TRABD2B: variants seen among roughly 807,000 people sequenced by gnomAD.
The protein encoded by TRABD2B is TraB domain containing 2B.
A neutral mutation model predicts 40.1 loss-of-function variants in TRABD2B; 14 were observed. The observed-to-expected ratio is 0.35, with a 90% CI of 0.23 to 0.55. TRABD2B has a LOEUF of 0.55. TRABD2B is among the 20% of genes least tolerant of loss of function. TRABD2B has a pLI of 0.90. For synonymous variants in TRABD2B, 263 were observed against 277.0 expected, an observed-to-expected ratio of 0.95 and a Z score of 0.50; for missense variants, 541 against 648.6, an observed-to-expected ratio of 0.83 and a Z score of 1.80.
intron 6 of TRABD2B, among the ~76,000 whole-genome samples, chr1:47,773,397 G>T (rs1046625515): frequency 6.6e-6 from 1 of 152,260 alleles, no homozygotes; most frequent in African/African-American, 2.4e-5. Context: ...CCTTAGGCAG[G>T]CAGGGTGATA....
intron 2 of TRABD2B, among the ~76,000 whole-genome samples, chr1:47,875,441 C>A (rs1324356531): frequency 6.6e-6 from 1 of 151,762 alleles, no homozygotes; most frequent in Non-Finnish European, 1.5e-5. Context: ...AATTCCAACA[C>A]TTTGGGAGGC....
chr1:47,852,897 C>T lies in TRABD2B; in HGVS notation c.667-51278G>A, dbSNP rs182619265. Among the ~76,000 whole-genome samples, 710 of 152,136 alleles carry T rather than the reference C, an allele frequency of 4.7e-3. 2 individuals are homozygous for T. The highest frequency in any genetic ancestry group is 6.8e-3 in the Non-Finnish European group (461 of 68,012). On this transcript the variant is annotated intron_variant, in intron 2 of 6. Transcript: ENST00000606738. ...ATTTTTGGTCATCTTTAAAACAGGGCGATGGTGACTAATACCTCTTTGAAG... is the reference window on the plus strand; with the variant it reads ...ATTTTTGGTCATCTTTAAAACAGGGTGATGGTGACTAATACCTCTTTGAAG...
At chr1:47,915,737 C>A (rs931704332) in intron 2 of TRABD2B, among the ~76,000 whole-genome samples, 4 of 152,192 alleles carry the variant, frequency 2.6e-5, no homozygotes, top group African/African-American at 9.7e-5. Context: ...TGGCTCCTCT[C>A]GCCTTTGGGG....
intron 2 of TRABD2B, among the ~76,000 whole-genome samples, chr1:47,986,365 C>T (rs1002620187): frequency 6.6e-6 from 1 of 152,116 alleles, no homozygotes; most frequent in Admixed American, 6.6e-5. Context: ...TGCCAACACT[C>T]CAACCACAGA....
At chr1:47,926,823 CCCTTCCTG>C (rs1239563298) in intron 2 of TRABD2B, among the ~76,000 whole-genome samples, 1 of 152,190 alleles carries the variant, frequency 6.6e-6, no homozygotes, top group East Asian at 1.9e-4. Context: ...CTCCAGCACA[CCCTTCCTG>C]CCTTGCTTTA....
At chr1:47,814,215 G>A (rs1019969319) in intron 2 of TRABD2B, among the ~76,000 whole-genome samples, 3 of 152,242 alleles carry the variant, frequency 2.0e-5, no homozygotes, top group Non-Finnish European at 2.9e-5. Context: ...AGGGGCTGGA[G>A]TGCAGCCTGT....
chr1:47,908,011 C>A (rs1247547946), intron 2 of TRABD2B, among the ~76,000 whole-genome samples: 1 of 152,074 alleles, frequency 6.6e-6, no homozygotes, highest in East Asian at 1.9e-4. Context: ...TAAAAAGTAA[C>A]CTGAGAAGTG....
At chr1:47,975,488 C>T (rs1023036978) in intron 2 of TRABD2B, among the ~76,000 whole-genome samples, 1 of 152,170 alleles carries the variant, frequency 6.6e-6, no homozygotes, top group Non-Finnish European at 1.5e-5. Context: ...CTTTGTGCAC[C>T]TGAAACATTG....
At position 47,962,638 on chromosome 1, in the gene TRABD2B, T is replaced by G. The variant is rs138246721; in HGVS notation, c.666+31396A>C. 3.0e-3 allele frequency among the ~76,000 whole-genome samples: 459 copies of G among 152,362 alleles called. 4 individuals carry two copies. The highest frequency in any genetic ancestry group is 3.7e-3 in the Non-Finnish European group (249 of 68,036). On this transcript the variant is annotated intron_variant, in intron 2 of 6. Coordinates refer to ENST00000606738, the MANE Select transcript of TRABD2B (RefSeq NM_001194986.2). ...TACATATGATTGATTCATTTAGGCT[T>G]CACAGCAACCCTTTGAAGTAGGTAC...
intron 2 of TRABD2B, among the ~76,000 whole-genome samples, chr1:47,938,322 C>A (rs1423592404): frequency 6.6e-6 from 1 of 152,226 alleles, no homozygotes; most frequent in East Asian, 1.9e-4. Flanking sequence ...AAGAGTCAAA[C>A]CACCACTGGT....
chr1:47,847,716 C>T (rs529218706), intron 2 of TRABD2B, among the ~76,000 whole-genome samples: 1 of 152,320 alleles, frequency 6.6e-6, no homozygotes, highest in South Asian at 2.1e-4. Flanking sequence ...AGGTTGTGCA[C>T]AGCCCAGTCA....
At chr1:47,901,778 G>A (rs1311144180) in intron 2 of TRABD2B, among the ~76,000 whole-genome samples, 1 of 152,182 alleles carries the variant, frequency 6.6e-6, no homozygotes, top group Non-Finnish European at 1.5e-5. Context: ...GAAGCCCAGG[G>A]TCTAATTAGG....
At position 47,928,691 on chromosome 1, in the gene TRABD2B, A is replaced by T. The variant is rs889425946; in HGVS notation, c.666+65343T>A. ...CCTCTAGCAAAAAGTCAATCTGCAA[A>T]CATCATCAGTTACTGTGGTACCTAA... On this transcript the variant is annotated intron_variant, in intron 2 of 6. Coordinates refer to ENST00000606738, the MANE Select transcript of TRABD2B (RefSeq NM_001194986.2). Among the ~76,000 whole-genome samples the T allele has an allele frequency of 2.0e-5, 3 of 152,374 alleles. No homozygotes were observed. The East Asian group carries it at 5.8e-4, about 29-fold the overall frequency.
intron 6 of TRABD2B, among the ~76,000 whole-genome samples, chr1:47,769,948 A>T (rs1187991595): frequency 6.6e-6 from 1 of 151,954 alleles, no homozygotes; most frequent in Non-Finnish European, 1.5e-5. Flanking sequence ...TCTTAGGTGG[A>T]AGCCCAAGGC....
intron 4 of TRABD2B, among the ~76,000 whole-genome samples, chr1:47,792,957 C>T (rs1049095989): frequency 2.6e-5 from 4 of 152,006 alleles, no homozygotes; most frequent in East Asian, 1.9e-4. Context: ...GGAGGGAGGG[C>T]GGAAGAGGCA....
chr1:47,980,424 T>C (rs938828265), intron 2 of TRABD2B, among the ~76,000 whole-genome samples: 6 of 152,130 alleles, frequency 3.9e-5, no homozygotes, highest in African/African-American at 1.2e-4. Context: ...GTAGCATCCA[T>C]AGGACCCTCC....
chr1:47,875,499 C>A (rs1371571917), intron 2 of TRABD2B, among the ~76,000 whole-genome samples: 1 of 151,638 alleles, frequency 6.6e-6, no homozygotes, highest in Non-Finnish European at 1.5e-5. Context: ...CCAGCCTGGG[C>A]AATATGGCAA....
intron 2 of TRABD2B, among the ~76,000 whole-genome samples, chr1:47,950,605 T>C (rs950497440): frequency 6.6e-6 from 1 of 152,162 alleles, no homozygotes; most frequent in Non-Finnish European, 1.5e-5. Context: ...TTATTCCACA[T>C]GTGAAGAATG....
At chr1:47,778,371 A>G in intron 5 of TRABD2B, 83 bp downstream of exon 5, 1 of 1,021,868 alleles carries the variant, frequency 9.8e-7, no homozygotes, top group Non-Finnish European at 1.5e-6. Flanking sequence ...CTGCCTCACC[A>G]GAAGCCTCTT....
Sources: allele counts gnomAD v4.1 joint callset (sites outside exome capture counted in the v4.1 genomes callset), GRCh38; gene constraint gnomAD v4.1.1; transcripts MANE v1.5; gene names NCBI Gene and HGNC (gene_info 2026-07-23, HGNC 2026-07-21).